Variants in TMEM132D observed in about 807,000 individuals in gnomAD.
TMEM132D encodes the protein mature OL transmembrane protein.
A neutral mutation model predicts 62.3 loss-of-function variants in TMEM132D; 21 were observed. The observed-to-expected ratio is 0.34, with a 90% confidence interval of 0.24 to 0.49. TMEM132D has a LOEUF of 0.49. Among genes scored for constraint, TMEM132D ranks in the 20% least tolerant of loss-of-function variants. The pLI is 0.99. For missense variants in TMEM132D, 1,346 were observed against 1,402.8 expected, an observed-to-expected ratio of 0.96 and a Z score of 0.65; for synonymous variants, 621 against 575.6, an observed-to-expected ratio of 1.08 and a Z score of -1.13.
chr12:129,560,811 G>T (rs180820626), intron 2 of TMEM132D, among the ~76,000 whole-genome samples: 2 of 152,298 alleles, frequency 1.3e-5, no homozygotes, highest in Admixed American at 1.3e-4. Flanking sequence ...CGGGAATGCT[G>T]CCAGACACCT....
intron 4 of TMEM132D, among the ~76,000 whole-genome samples, chr12:129,273,142 G>A (rs533291738): frequency 6.6e-6 from 1 of 151,952 alleles, no homozygotes; most frequent in South Asian, 2.1e-4. Context: ...GTTGCAGTGA[G>A]CTGAGATTGC....
At chr12:129,459,034 A>G (rs1176572365) in intron 3 of TMEM132D, among the ~76,000 whole-genome samples, 1 of 152,212 alleles carries the variant, frequency 6.6e-6, no homozygotes, top group Non-Finnish European at 1.5e-5. Flanking sequence ...TGCTTCCAGA[A>G]TAAGCACATC....
intron 4 of TMEM132D, among the ~76,000 whole-genome samples, chr12:129,298,143 G>A (rs941900757): frequency 1.3e-5 from 2 of 152,120 alleles, no homozygotes; most frequent in Non-Finnish European, 2.9e-5. Context: ...ACTCATGGGT[G>A]TAGAGGGTAG....
chr12:129,266,654 A>T (rs1309885988), intron 4 of TMEM132D, among the ~76,000 whole-genome samples: 1 of 144,384 alleles, frequency 6.9e-6, no homozygotes, highest in Non-Finnish European at 1.5e-5. Flanking sequence ...CAGTGACCTC[A>T]TCCAGTTTAC....
chr12:129,784,850 T>C (rs573558660), intron 1 of TMEM132D, among the ~76,000 whole-genome samples: 62 of 152,290 alleles, frequency 4.1e-4, no homozygotes, highest in African/African-American at 1.5e-3. Context: ...GAAGCCATTC[T>C]ATATAAAATG....
intron 1 of TMEM132D, among the ~76,000 whole-genome samples, chr12:129,871,950 C>T (rs961945165): frequency 1.3e-5 from 2 of 152,210 alleles, no homozygotes; most frequent in Non-Finnish European, 2.9e-5. Flanking sequence ...AGGGATGGAA[C>T]AGACAATGTC....
At chr12:129,666,457 T>C (rs758590457) in intron 2 of TMEM132D, among the ~76,000 whole-genome samples, 5 of 152,242 alleles carry the variant, frequency 3.3e-5, no homozygotes, top group African/African-American at 4.8e-5. Flanking sequence ...GAAATAAAGA[T>C]AGTTTTAAAG....
chr12:129,849,862 T>A (rs1426659017), intron 1 of TMEM132D, among the ~76,000 whole-genome samples: 1 of 152,172 alleles, frequency 6.6e-6, no homozygotes, highest in African/African-American at 2.4e-5. Context: ...GAGCCGAGGT[T>A]TTATCTTGGT....
chr12:129,422,391 G>A (rs970678510), intron 3 of TMEM132D, among the ~76,000 whole-genome samples: 4 of 152,154 alleles, frequency 2.6e-5, no homozygotes, highest in South Asian at 4.1e-4. Flanking sequence ...ATTAGCAGAG[G>A]ATGTCAATGG....
At chr12:129,194,754 G>A (rs559172076) in intron 5 of TMEM132D, among the ~76,000 whole-genome samples, 30 of 152,258 alleles carry the variant, frequency 2.0e-4, no homozygotes, top group South Asian at 6.2e-4. Flanking sequence ...AAAATTCACC[G>A]TGCAGTGAGT....
intron 3 of TMEM132D, among the ~76,000 whole-genome samples, chr12:129,412,685 T>C (rs934858688): frequency 6.6e-6 from 1 of 152,136 alleles, no homozygotes. Context: ...TGAAACCCCA[T>C]CTCTACTAAA....
chr12:129,199,113 T>C (rs1021026710), intron 5 of TMEM132D, among the ~76,000 whole-genome samples: 3 of 130,084 alleles, frequency 2.3e-5, no homozygotes, highest in Admixed American at 7.4e-5. Flanking sequence ...TTTTTTTTTT[T>C]TTTTTTTTTT....
At position 129,779,934 on chromosome 12, in the gene TMEM132D, T is replaced by TA. The variant is rs1871067649; in HGVS notation, c.80-79237dup. Reference sequence around the variant, plus strand: ...TTTACGCATTGACTCCAGAAATCCTTACAACCATCCTCCGAGAAAGCACTG... The same window carrying TA: ...TTTACGCATTGACTCCAGAAATCCTTAACAACCATCCTCCGAGAAAGCACTG... On this transcript the variant is annotated intron_variant, in intron 1 of 8. Coordinates refer to ENST00000422113, the MANE Select transcript of TMEM132D (RefSeq NM_133448.3). This position sits in a 1 kb window ranked among gnomAD's most constrained non-coding sequence, Gnocchi z 4.1. 1.3e-5 allele frequency among the ~76,000 whole-genome samples: 2 copies of TA among 152,190 alleles called. No homozygotes were observed. The highest frequency in any genetic ancestry group is 2.1e-4 in the South Asian group (1 of 4,810).
At position 129,646,003 on chromosome 12, in the gene TMEM132D, C is replaced by T. The variant is rs1380739844; in HGVS notation, c.968+53807G>A. ...GTTGAGCATACAGTCAAGATGCAAC[C>T]ATATATATGGCCAGTCAGCAGCGTA... On this transcript the variant is annotated intron_variant, in intron 2 of 8. Transcript: ENST00000422113. Among the ~76,000 whole-genome samples, 6 of 152,278 alleles carry T rather than the reference C, an allele frequency of 3.9e-5. No individual in the cohort carries two copies. The East Asian group carries it at 1.2e-3, about 29-fold the overall frequency.
At chr12:129,389,476 C>T (rs1871237229) in intron 3 of TMEM132D, among the ~76,000 whole-genome samples, 1 of 151,942 alleles carries the variant, frequency 6.6e-6, no homozygotes, top group African/African-American at 2.4e-5. Context: ...CTGCCAACAC[C>T]AACACTAACA....
intron 3 of TMEM132D, among the ~76,000 whole-genome samples, chr12:129,487,688 T>A (rs1251682512): frequency 6.6e-6 from 1 of 151,844 alleles, no homozygotes; most frequent in East Asian, 1.9e-4. Context: ...ATCCCAGCAC[T>A]TTGGGAGGCC....
chr12:129,553,358 G>C (rs554298070), intron 2 of TMEM132D, among the ~76,000 whole-genome samples: 1 of 152,072 alleles, frequency 6.6e-6, no homozygotes, highest in African/African-American at 2.4e-5. Context: ...TGCTCTGTGC[G>C]TGTCTGTGCA....
chr12:129,619,539 G>T (rs929698416), intron 2 of TMEM132D, among the ~76,000 whole-genome samples: 1 of 152,114 alleles, frequency 6.6e-6, no homozygotes, highest in African/African-American at 2.4e-5. Context: ...TTTGTCTCGG[G>T]TTATCCACTG....
At chr12:129,299,438 T>G in intron 4 of TMEM132D, among the ~76,000 whole-genome samples, 1 of 149,636 alleles carries the variant, frequency 6.7e-6, no homozygotes, top group South Asian at 2.1e-4. Flanking sequence ...TTTTTTTTTT[T>G]GCCAATTGCA....
Sources: gnomAD v4.1 joint callset for allele counts (sites outside exome capture counted in the v4.1 genomes callset) on GRCh38, gnomAD v4.1.1 for gene constraint, Gnocchi (gnomAD v3.1) non-coding constraint, MANE v1.5 for transcripts, NCBI Gene and HGNC (gene_info 2026-07-23, HGNC 2026-07-21) for gene names.